TRIM22: variants seen among roughly 807,000 people sequenced by gnomAD.
TRIM22 encodes the protein E3 ubiquitin-protein ligase TRIM22.
TRIM22 carries 45 observed loss-of-function variants against 53.6 expected under a neutral mutation model. That is an observed-to-expected ratio of 0.84 (90% CI 0.66 to 1.08). TRIM22 has a LOEUF of 1.08. TRIM22 is among the 50% of genes least tolerant of loss of function. TRIM22 has a pLI of 0.00. For missense variants in TRIM22, 616 were observed against 590.9 expected (o/e 1.04, Z -0.44); for synonymous variants, 225 against 216.6 (o/e 1.04, Z -0.34).
intron 7 of TRIM22, 92 bp from the exon 8 acceptor site, chr11:5,708,961 G>C: frequency 2.9e-6 from 3 of 1,018,594 alleles, no homozygotes; most frequent in Non-Finnish European, 4.4e-6. Context: ...GTTTGATATC[G>C]ACACAAGTTT....
chr11:5,695,714 G>GTATTTATTGAATA lies in TRIM22; in HGVS notation c.-66-453_-66-452insTATTTATTGAATA, dbSNP rs1398481521. ...GATGCTATGTAAATACAATTCAATA[G>GTATTTATTGAATA]CTTAAAAATATGCAAATATTCATGA... On this transcript the variant is annotated intron_variant, in intron 1 of 7. Transcript: ENST00000379965. Among the ~76,000 whole-genome samples, 5 of 152,218 alleles carry GTATTTATTGAATA rather than the reference G, an allele frequency of 3.3e-5. No homozygotes were observed. The East Asian group carries it at 9.7e-4, about 29-fold the overall frequency.
At chr11:5,693,737 A>G (rs1180946160) in intron 1 of TRIM22, among the ~76,000 whole-genome samples, 2 of 151,742 alleles carry the variant, frequency 1.3e-5, no homozygotes, top group Non-Finnish European at 2.9e-5. Context: ...AAAAAAAAAA[A>G]AAAAAAGAAT....
chr11:5,693,118 C>T (rs1306096591), intron 1 of TRIM22, among the ~76,000 whole-genome samples: 1 of 150,896 alleles, frequency 6.6e-6, no homozygotes, highest in Admixed American at 6.6e-5. Context: ...AACTCCTGAC[C>T]TCAGGTAATC....
chr11:5,691,374 C>G (rs1279370635), intron 1 of TRIM22, among the ~76,000 whole-genome samples: 1 of 152,136 alleles, frequency 6.6e-6, no homozygotes, highest in Non-Finnish European at 1.5e-5. Flanking sequence ...TAGATCGGAA[C>G]AAAACAGAGT....
rs1376797152 is a variant in TRIM22 at position 5,709,037 on chromosome 11, G to A, written c.902-16G>A. On this transcript the variant is annotated splice_polypyrimidine_tract_variant and intron_variant, in intron 7 of 7. Coordinates refer to ENST00000379965, the MANE Select transcript of TRIM22 (RefSeq NM_006074.5). The stretch of plus-strand genomic sequence containing the variant: ...TATCCCATATCCTTCACTTGACTTG[G>A]TAATTTTTTCTACAGTGGACGTGAT... 6.3e-7 allele frequency: 1 copy of A among 1,599,316 alleles called. No homozygotes were observed. The highest frequency in any genetic ancestry group is 2.2e-5 in the East Asian group (1 of 44,700).
rs373103298 is a variant in TRIM22 at position 5,696,527 on chromosome 11, C to T, written c.295C>T (p.His99Tyr). The part of the protein sequence containing the change: ...QEGQKRDVCE[H>Y]HGKKLQIFCK... ...GGGGCAGAAGAGAGATGTCTGTGAGCACCATGGAAAAAAACTCCAGATCTT... is the reference window on the plus strand; with the variant it reads ...GGGGCAGAAGAGAGATGTCTGTGAGTACCATGGAAAAAAACTCCAGATCTT... Residue 99 changes from histidine (H) to tyrosine (Y), a missense_variant, in exon 2 of 8, where the codon CAC (histidine) becomes TAC (tyrosine). His to Tyr is a moderately conservative substitution (Grantham distance 83). Transcript: ENST00000379965. 1 of 1,614,040 alleles carries T rather than the reference C, an allele frequency of 6.2e-7. No individual in the cohort carries two copies. Among genetic ancestry groups the T allele is most frequent in the African/African-American group, 1.3e-5 (1 of 74,914 alleles).
chr11:5,691,618 C>T (rs1396361706), intron 1 of TRIM22, among the ~76,000 whole-genome samples: 2 of 152,174 alleles, frequency 1.3e-5, no homozygotes, highest in South Asian at 2.1e-4. Flanking sequence ...CCCAATGAAC[C>T]TCTGGTATCC....
At chr11:5,697,554 G>C (rs1004503857) in intron 3 of TRIM22, 3 of 447,890 alleles carry the variant, frequency 6.7e-6, no homozygotes, top group Admixed American at 7.6e-5. Context: ...GGAAGTGAAG[G>C]CATGGAGGGA....
Position 5,709,189 on chromosome 11 carries a change from C to T in TRIM22, c.1038C>T (p.Gly346=), listed in dbSNP as rs759024898. Residue 346 remains glycine (G), a synonymous_variant, in exon 8 of 8, where the codon GGC becomes GGT. Transcript: ENST00000379965. The stretch of plus-strand genomic sequence containing the variant: ...ATTTTTCTGCTTTTGGTGTCTTCGG[C>T]TGCCAATATTTCTCTTCGGGGAAAT... The part of the protein sequence containing the change: ...PCDFSAFGVF[G]CQYFSSGKYY... The T allele has an allele frequency of 6.2e-7, 1 of 1,614,170 alleles. No homozygotes were observed. Among genetic ancestry groups the T allele is most frequent in the South Asian group, 1.1e-5 (1 of 91,080 alleles).
rs1321868561 is a variant in TRIM22, at chr11:5,693,848, A to G, written c.-66-2319A>G. 5.9e-5 allele frequency among the ~76,000 whole-genome samples: 9 copies of G among 152,290 alleles called. No individual in the cohort carries two copies. The East Asian group carries it at 1.7e-3, about 29-fold the overall frequency. On this transcript the variant is annotated intron_variant, in intron 1 of 7. Coordinates refer to ENST00000379965, the MANE Select transcript of TRIM22 (RefSeq NM_006074.5). Reference sequence around the variant, plus strand: ...TTAAATAGCAGAAATATATTGCCTTACAATTCTGGAGGCTAGTTATCCAAG... The same window carrying G: ...TTAAATAGCAGAAATATATTGCCTTGCAATTCTGGAGGCTAGTTATCCAAG...
In TRIM22 at chr11:5,703,601, A is replaced by G. The variant is rs535617714; in HGVS notation, c.751-2993A>G. Reference sequence around the variant, plus strand: ...GGGGTTTCACCTTGTTAGCCAGGACAGTCTCGATCTCCTGACCTCGTGATC... The same window carrying G: ...GGGGTTTCACCTTGTTAGCCAGGACGGTCTCGATCTCCTGACCTCGTGATC... On this transcript the variant is annotated intron_variant, in intron 4 of 7. Transcript: ENST00000379965. Among the ~76,000 whole-genome samples the G allele has an allele frequency of 2.6e-5, 4 of 151,992 alleles. No homozygotes were observed. In the South Asian group the frequency reaches 6.2e-4, roughly 24 times the overall value.
At chr11:5,691,348 T>C (rs1016708429) in intron 1 of TRIM22, among the ~76,000 whole-genome samples, 2 of 152,120 alleles carry the variant, frequency 1.3e-5, no homozygotes, top group Admixed American at 6.5e-5. Flanking sequence ...GACTGGGGGC[T>C]GCATACACCG....
chr11:5,706,074 C>T lies in TRIM22; in HGVS notation c.751-520C>T, dbSNP rs550181343. Among the ~76,000 whole-genome samples the T allele has an allele frequency of 3.9e-5, 6 of 152,238 alleles. No homozygotes were observed. The South Asian group carries it at 8.3e-4, about 21-fold the overall frequency. ...GAAAAAATATAGGGCAAACGTATTT[C>T]GCTGTTTTGTGTCTGTTGATGTATA... On this transcript the variant is annotated intron_variant, in intron 4 of 7. Coordinates refer to ENST00000379965, the MANE Select transcript of TRIM22 (RefSeq NM_006074.5).
intron 1 of TRIM22, among the ~76,000 whole-genome samples, chr11:5,695,258 C>T (rs944945564): frequency 4.6e-5 from 7 of 152,142 alleles, no homozygotes; most frequent in Non-Finnish European, 1.0e-4. Flanking sequence ...AAGAAGAGGA[C>T]TTCTAAGAGG....
rs549309736 is a variant in TRIM22, at chr11:5,694,269, C to T, written c.-66-1898C>T. On this transcript the variant is annotated intron_variant, in intron 1 of 7. Coordinates refer to ENST00000379965, the MANE Select transcript of TRIM22 (RefSeq NM_006074.5). Reference sequence around the variant, plus strand: ...ATGGATTGAGACTTTTCTCCCATGACCAACAGATGTTTCTTTGAAATGTAT... The same window carrying T: ...ATGGATTGAGACTTTTCTCCCATGATCAACAGATGTTTCTTTGAAATGTAT... 7.9e-5 allele frequency among the ~76,000 whole-genome samples: 12 copies of T among 152,318 alleles called. No homozygotes were observed. In the South Asian group the frequency reaches 1.7e-3, roughly 21 times the overall value.
intron 4 of TRIM22, among the ~76,000 whole-genome samples, chr11:5,703,401 T>A (rs1190979006): frequency 1.3e-5 from 2 of 151,994 alleles, no homozygotes; most frequent in Admixed American, 1.3e-4. Context: ...TCTTTTTTTT[T>A]TTGAGATGGA....
At chr11:5,702,122 A>C (rs1042872033) in intron 4 of TRIM22, among the ~76,000 whole-genome samples, 13 of 146,328 alleles carry the variant, frequency 8.9e-5, no homozygotes, top group African/African-American at 2.0e-4. Context: ...AATATATATT[A>C]GTTATATATT....
chr11:5,694,673 G>A (rs1289182469), intron 1 of TRIM22, among the ~76,000 whole-genome samples: 1 of 152,112 alleles, frequency 6.6e-6, no homozygotes, highest in African/African-American at 2.4e-5. Context: ...CTGAAGAAAG[G>A]GAGTATTCTT....
rs750332809 is a variant in TRIM22, at chr11:5,709,240, A to C, written c.1089A>C (p.Gly363=). The change falls in exon 8 of 8, where the codon GGA becomes GGC. Residue 363 remains glycine, a synonymous_variant. Transcript: ENST00000379965. The stretch of plus-strand genomic sequence containing the variant: ...ATTACTGGGAAGTAGATGTGTCTGG[A>C]AAGATTGCCTGGATCCTGGGCGTAC... ...GKYYWEVDVS[G]KIAWILGVHS... 3.7e-6 allele frequency: 6 copies of C among 1,614,166 alleles called. No homozygotes were observed. Among genetic ancestry groups the C allele is most frequent in the Non-Finnish European group, 5.1e-6 (6 of 1,180,030 alleles).
Sources: gnomAD v4.1 joint callset for allele counts (sites outside exome capture counted in the v4.1 genomes callset) on GRCh38, gnomAD v4.1.1 for gene constraint, MANE v1.5 for transcripts, NCBI Gene and HGNC (gene_info 2026-07-23, HGNC 2026-07-21) for gene names.